Variants in ZNF609 observed in about 807,000 individuals in gnomAD.
ZNF609 encodes the protein zinc finger protein 609.
In ZNF609, 11 loss-of-function variants were observed where a neutral mutation model predicts 109.5. The observed-to-expected ratio is 0.10, with a 90% CI of 0.06 to 0.17. The LOEUF is 0.17. Among genes scored for constraint, ZNF609 ranks in the 10% least tolerant of loss-of-function variants. The probability of loss-of-function intolerance (pLI) is 1.00; values close to 1 mark genes in which losing one functional copy is unlikely to be tolerated. For synonymous variants in ZNF609, 646 were observed against 662.0 expected, an observed-to-expected ratio of 0.98 and a Z score of 0.37; for missense variants, 1,559 against 1,772.4, an observed-to-expected ratio of 0.88 and a Z score of 2.16.
rs753560351 is a variant in ZNF609 at position 64,499,213 on chromosome 15, G to GT, written c.-127-75dup. The GT allele has an allele frequency of 2.0e-5, 12 of 591,394 alleles. No individual in the cohort carries two copies. In the Admixed American group the frequency reaches 2.3e-4, roughly 11 times the overall value. 36.6% of individuals were successfully genotyped at this position (591,394 alleles called of 1,614,324 possible). On this transcript the variant is annotated intron_variant, in intron 1 of 9. Transcript: ENST00000326648. ...TATGATAGCCCCATAGGAAGGGTCT[G>GT]TTTTTGTGTGGGAGTTTATTTCAGG...
At chr15:64,647,560 A>G (rs1196861654) in intron 3 of ZNF609, among the ~76,000 whole-genome samples, 2 of 151,998 alleles carry the variant, frequency 1.3e-5, no homozygotes, top group Non-Finnish European at 2.9e-5. Context: ...TTCTCTATAT[A>G]TTTCGTAATC....
chr15:64,669,749 A>G (rs963921073), intron 3 of ZNF609, among the ~76,000 whole-genome samples: 5 of 151,612 alleles, frequency 3.3e-5, no homozygotes, highest in Admixed American at 6.6e-5. Flanking sequence ...CTCACTGCAA[A>G]CTCCACCTCC....
At chr15:64,600,886 C>T (rs960896999) in intron 2 of ZNF609, among the ~76,000 whole-genome samples, 13 of 151,952 alleles carry the variant, frequency 8.6e-5, no homozygotes, top group South Asian at 2.1e-4. Flanking sequence ...TGTTGTAGAG[C>T]GAAATTTAGT....
At chr15:64,494,105 T>C (rs575597362) in intron 1 of ZNF609, among the ~76,000 whole-genome samples, 135 of 152,282 alleles carry the variant, frequency 8.9e-4, no homozygotes, top group Admixed American at 1.8e-3. Flanking sequence ...CTCTCAAAAA[T>C]AGGAATATAG....
At chr15:64,616,072 G>A (rs758134881) in intron 2 of ZNF609, among the ~76,000 whole-genome samples, 4 of 151,738 alleles carry the variant, frequency 2.6e-5, no homozygotes, top group Non-Finnish European at 5.9e-5. Context: ...AGGCTGAAGC[G>A]CAGTGGTGCA....
chr15:64,583,097 G>A (rs1354878178), intron 2 of ZNF609, among the ~76,000 whole-genome samples: 1 of 149,568 alleles, frequency 6.7e-6, no homozygotes, highest in Non-Finnish European at 1.5e-5. Context: ...GCAGTGGTGC[G>A]ATCTCGACTC....
intron 2 of ZNF609, among the ~76,000 whole-genome samples, chr15:64,600,745 A>T (rs901538302): frequency 2.0e-5 from 3 of 152,022 alleles, no homozygotes; most frequent in African/African-American, 7.2e-5. Flanking sequence ...AGAAAAATTA[A>T]TGGCCTCTCT....
At chr15:64,617,890 G>A (rs1202360841) in intron 2 of ZNF609, among the ~76,000 whole-genome samples, 1 of 152,140 alleles carries the variant, frequency 6.6e-6, no homozygotes, top group Non-Finnish European at 1.5e-5. Context: ...TCAAGCTTTT[G>A]TTTTGTTGTT....
At chr15:64,467,676 C>T (rs1354576514) in intron 1 of ZNF609, among the ~76,000 whole-genome samples, 3 of 152,128 alleles carry the variant, frequency 2.0e-5, no homozygotes, top group African/African-American at 7.2e-5. Context: ...GAAATCCTGT[C>T]TCTACTAAAA....
intron 2 of ZNF609, among the ~76,000 whole-genome samples, chr15:64,571,706 A>G (rs1387089261): frequency 2.0e-5 from 3 of 152,062 alleles, no homozygotes; most frequent in Non-Finnish European, 1.5e-5. Flanking sequence ...GTCACCCAGG[A>G]TCGCCCAGGC....
At position 64,499,789 on chromosome 15, in the gene ZNF609, C is replaced by T. The variant is rs375905907; in HGVS notation, c.370C>T (p.Arg124Cys). 30 of 1,613,846 alleles carry T rather than the reference C, an allele frequency of 1.9e-5. No homozygotes were observed. The highest frequency in any genetic ancestry group is 1.5e-4 in the African/African-American group (11 of 74,892). Residue 124 changes from arginine to cysteine, a missense_variant, in exon 2 of 10, where the codon CGC (arginine) becomes TGC (cysteine). Transcript: ENST00000326648. ...GAASKKEVQG[R>C]SGDGANAGGL... ...AGCTAGCAAGAAAGAGGTGCAGGGG[C>T]GCTCAGGAGATGGTGCCAATGCTGG... is the stretch of plus-strand genomic sequence containing the variant.
intron 2 of ZNF609, among the ~76,000 whole-genome samples, chr15:64,539,461 C>T (rs1362966072): frequency 6.6e-6 from 1 of 151,560 alleles, no homozygotes; most frequent in African/African-American, 2.4e-5. Context: ...CCCGCCTTGG[C>T]CTCCCCAAGT....
chr15:64,592,328 G>T (rs775803982), intron 2 of ZNF609, among the ~76,000 whole-genome samples: 1 of 152,168 alleles, frequency 6.6e-6, no homozygotes, highest in Non-Finnish European at 1.5e-5. Context: ...TATAATCCCA[G>T]CACTTTGGGA....
chr15:64,640,554 G>A (rs1012514697), intron 3 of ZNF609, among the ~76,000 whole-genome samples: 44 of 152,306 alleles, frequency 2.9e-4, no homozygotes, highest in Middle Eastern at 3.4e-3. Flanking sequence ...AAAGTGCCTC[G>A]CATAAGCCAA....
At chr15:64,479,583 G>A (rs983488848) in intron 1 of ZNF609, among the ~76,000 whole-genome samples, 6 of 151,764 alleles carry the variant, frequency 4.0e-5, no homozygotes, top group African/African-American at 7.3e-5. Flanking sequence ...GAGCCACCGC[G>A]CCTGGCCCGT....
chr15:64,561,186 T>C (rs915161783), intron 2 of ZNF609, among the ~76,000 whole-genome samples: 4 of 152,238 alleles, frequency 2.6e-5, no homozygotes, highest in Non-Finnish European at 5.9e-5. Context: ...CCATACTCCT[T>C]TATCTAACGT....
chr15:64,620,721 T>C (rs1387775244), intron 2 of ZNF609, among the ~76,000 whole-genome samples: 3 of 152,126 alleles, frequency 2.0e-5, no homozygotes, highest in Non-Finnish European at 4.4e-5. Flanking sequence ...TCAGAATCAG[T>C]GTATGAACAT....
intron 3 of ZNF609, among the ~76,000 whole-genome samples, chr15:64,645,000 TCTTTCTTTCTTCCTTCCTTC>T (rs1896310642): frequency 6.6e-6 from 1 of 150,798 alleles, no homozygotes; most frequent in African/African-American, 2.5e-5. Context: ...TTTCTTTCTT[TCTTTCTTTCTTCCTTCCTTC>T]CTTCCTTCCT....
intron 2 of ZNF609, among the ~76,000 whole-genome samples, chr15:64,503,684 A>G (rs1023615369): frequency 6.6e-6 from 1 of 152,174 alleles, no homozygotes; most frequent in Non-Finnish European, 1.5e-5. Context: ...TCTAACCAGA[A>G]GCTCCCCCTC....
Sources: gnomAD v4.1 joint callset for allele counts (sites outside exome capture counted in the v4.1 genomes callset) on GRCh38, gnomAD v4.1.1 for gene constraint, MANE v1.5 for transcripts, NCBI Gene and HGNC (gene_info 2026-07-23, HGNC 2026-07-21) for gene names.